Variants in LRRC61 observed in about 807,000 individuals in gnomAD.
The protein encoded by LRRC61 is leucine rich repeat containing 61.
A neutral mutation model predicts 15.1 loss-of-function variants in LRRC61; 9 were observed. The observed-to-expected ratio is 0.60, with a 90% confidence interval of 0.36 to 1.04. The LOEUF is 1.04. Among genes scored for constraint, LRRC61 ranks in the 50% least tolerant of loss-of-function variants. The pLI is 0.01. For missense variants in LRRC61, 344 were observed against 335.6 expected (o/e 1.03, Z -0.20); for synonymous variants, 173 against 158.6 (o/e 1.09, Z -0.68).
chr7:150,329,790 G>A (rs1798047393), intron 2 of LRRC61: 1 of 153,068 alleles, frequency 6.5e-6, no homozygotes, highest in Non-Finnish European at 1.5e-5. Context: ...AAAGCATGTA[G>A]GCTCCTGAGT....
rs1302601635 is a variant in LRRC61, at chr7:150,333,109, G to C, written c.-144-3609G>C. On this transcript the variant is annotated intron_variant, in intron 2 of 2. Transcript: ENST00000359623. The surrounding 1 kb of genome is among the most constrained non-coding windows in gnomAD (Gnocchi z 4.3). ...TCTGCTGTGTGGCATCACCGAGCGGGCTCATGTTCTGGGAGAGGACTGGGA... is the reference window on the plus strand; with the variant it reads ...TCTGCTGTGTGGCATCACCGAGCGGCCTCATGTTCTGGGAGAGGACTGGGA... Among the ~76,000 whole-genome samples the C allele has an allele frequency of 6.6e-6, 1 of 152,218 alleles. No individual in the cohort carries two copies. The highest frequency in any genetic ancestry group is 1.5e-5 in the Non-Finnish European group (1 of 68,040).
chr7:150,331,096 C>A lies in LRRC61; in HGVS notation c.-145+5086C>A, dbSNP rs781663253. 3 of 1,610,608 alleles carry A rather than the reference C, an allele frequency of 1.9e-6. No homozygotes were observed. Among genetic ancestry groups the A allele is most frequent in the South Asian group, 1.1e-5 (1 of 90,984 alleles). ...TGGCCACCATCTATCTGTCTTACCCCCCACAGGAGCCTTCTCTGAAAGCAT... is the reference window on the plus strand; with the variant it reads ...TGGCCACCATCTATCTGTCTTACCCACCACAGGAGCCTTCTCTGAAAGCAT... On this transcript the variant is annotated intron_variant, in intron 2 of 2. Coordinates refer to ENST00000359623, the MANE Select transcript of LRRC61 (RefSeq NM_001142928.2).
rs1339662499 is a variant in LRRC61 at position 150,335,889 on chromosome 7, G to T, written c.-144-829G>T. Reference sequence around the variant, plus strand: ...GATGTGCCCCTCCCGGCTTTCTGGAGCCACCCTTCCCTCCCTCCAAGACAG... The same window carrying T: ...GATGTGCCCCTCCCGGCTTTCTGGATCCACCCTTCCCTCCCTCCAAGACAG... On this transcript the variant is annotated intron_variant, in intron 2 of 2. Transcript: ENST00000359623. The surrounding 1 kb of genome is among the most constrained non-coding windows in gnomAD (Gnocchi z 4.3). Among the ~76,000 whole-genome samples, 1 of 152,206 alleles carries T rather than the reference G, an allele frequency of 6.6e-6. No individual in the cohort carries two copies. Among genetic ancestry groups the T allele is most frequent in the Non-Finnish European group, 1.5e-5 (1 of 68,036 alleles).
intron 2 of LRRC61, among the ~76,000 whole-genome samples, chr7:150,328,458 A>C (rs78965288): frequency 6.6e-6 from 1 of 152,218 alleles, no homozygotes; most frequent in African/African-American, 2.4e-5. Context: ...GCAGTCACCA[A>C]CTGCTACAAA....
chr7:150,321,831 G>A (rs1388417640), upstream of LRRC61, among the ~76,000 whole-genome samples: 1 of 152,218 alleles, frequency 6.6e-6, no homozygotes, highest in Non-Finnish European at 1.5e-5. Context: ...AGCCCAAGCT[G>A]GAGAACTAGA....
Position 150,323,452 on chromosome 7 carries a change from G to A in LRRC61, c.-423G>A, listed in dbSNP as rs1797784414. The A allele has an allele frequency of 8.4e-6, 3 of 357,524 alleles. No individual in the cohort carries two copies. Among genetic ancestry groups the A allele is most frequent in the South Asian group, 2.0e-5 (1 of 50,666 alleles). 22.1% of individuals were successfully genotyped at this position (357,524 alleles called of 1,614,324 possible). A position where few individuals can be genotyped will look rare whatever the true frequency, so the allele number is the denominator to read the frequency against. ...CAGGGGCCGCCAGGCGGCGGGCGGC[G>A]GGGCTGCGGCTCTTACCTGCCGAGG... On this transcript the variant is annotated 5_prime_UTR_variant, in exon 1 of 3. Transcript: ENST00000359623.
At position 150,330,758 on chromosome 7, in the gene LRRC61, C is replaced by T. The variant is rs1798081625; in HGVS notation, c.-145+4748C>T. On this transcript the variant is annotated intron_variant, in intron 2 of 2. Coordinates refer to ENST00000359623, the MANE Select transcript of LRRC61 (RefSeq NM_001142928.2). This position sits in a 1 kb window ranked among gnomAD's most constrained non-coding sequence, Gnocchi z 4.6. ...TTAGAGTGTCTGAATACTCTTTGAA[C>T]TCCCCAAGTCCCCTGCAAAGCCCCA... The T allele has an allele frequency of 3.7e-6, 6 of 1,613,448 alleles. No homozygotes were observed. The South Asian group carries it at 5.5e-5, about 15-fold the overall frequency.
chr7:150,315,290 C>G, the LRRC61 span, among the ~76,000 whole-genome samples: 1 of 152,032 alleles, frequency 6.6e-6, no homozygotes, highest in Non-Finnish European at 1.5e-5. Flanking sequence ...TGATAAACTT[C>G]TGTCCTGCTA....
chr7:150,336,362 G>A (rs947074436), intron 2 of LRRC61, among the ~76,000 whole-genome samples: 8 of 152,146 alleles, frequency 5.3e-5, no homozygotes, highest in African/African-American at 1.7e-4. Flanking sequence ...CAAAAATAAC[G>A]GTTTAAAAAA....
chr7:150,317,318 G>A, the LRRC61 span, among the ~76,000 whole-genome samples: 1 of 152,170 alleles, frequency 6.6e-6, no homozygotes, highest in African/African-American at 2.4e-5. Context: ...CTCCCAAAGT[G>A]CTGGGATTAC....
chr7:150,320,993 T>A (rs938973437), upstream of LRRC61, among the ~76,000 whole-genome samples: 10 of 152,188 alleles, frequency 6.6e-5, no homozygotes, highest in African/African-American at 2.4e-4. Context: ...TGAGTCAGGC[T>A]CCTCTCAGTC....
the LRRC61 span, among the ~76,000 whole-genome samples, chr7:150,313,238 G>A: frequency 6.6e-6 from 1 of 152,104 alleles, no homozygotes; most frequent in Non-Finnish European, 1.5e-5. Flanking sequence ...TAGCCTTACT[G>A]CTCACACAAA....
chr7:150,337,669 GC>G lies in LRRC61; in HGVS notation c.*29del. ...GTGGCCTATGGCCCAGGACAGCCTG[GC>G]AGGTGGCCTCGCTGCCCCCAGTTCC... is the stretch of plus-strand genomic sequence containing the variant. On this transcript the variant is annotated 3_prime_UTR_variant, in exon 3 of 3. Transcript: ENST00000359623. 1 of 1,516,058 alleles carries G rather than the reference GC, an allele frequency of 6.6e-7. No individual in the cohort carries two copies. The highest frequency in any genetic ancestry group is 2.3e-5 in the East Asian group (1 of 43,948). 93.9% of individuals were successfully genotyped at this position (1,516,058 alleles called of 1,614,324 possible). A position where few individuals can be genotyped will look rare whatever the true frequency, so the allele number is the denominator to read the frequency against.
At position 150,330,506 on chromosome 7, in the gene LRRC61, T is replaced by G; in HGVS notation, c.-145+4496T>G. ...TCCTGGAGCAGGTTCACACACACTT[T>G]CAGGAGCAGAGTGTCGGGGAGAGGG... On this transcript the variant is annotated intron_variant, in intron 2 of 2. Transcript: ENST00000359623. This position sits in a 1 kb window ranked among gnomAD's most constrained non-coding sequence, Gnocchi z 4.6. 1 of 780,178 alleles carries G rather than the reference T, an allele frequency of 1.3e-6. No individual in the cohort carries two copies. The highest frequency in any genetic ancestry group is 2.4e-5 in the East Asian group (1 of 41,238). 48.3% of individuals were successfully genotyped at this position (780,178 alleles called of 1,614,324 possible). A position where few individuals can be genotyped will look rare whatever the true frequency, so the allele number is the denominator to read the frequency against.
Position 150,323,486 on chromosome 7 carries a change from G to A in LRRC61, c.-389G>A. The A allele has an allele frequency of 2.4e-6, 1 of 418,492 alleles. No homozygotes were observed. Among genetic ancestry groups the A allele is most frequent in the South Asian group, 1.6e-5 (1 of 60,850 alleles). 25.9% of individuals were successfully genotyped at this position (418,492 alleles called of 1,614,324 possible). ...GCTCTTACCTGCCGAGGAGGCGCCGGCTCTGCGGTGCGGAGTTGCGCCGGA... is the reference window on the plus strand; with the variant it reads ...GCTCTTACCTGCCGAGGAGGCGCCGACTCTGCGGTGCGGAGTTGCGCCGGA... On this transcript the variant is annotated 5_prime_UTR_variant, in exon 1 of 3. Coordinates refer to ENST00000359623, the MANE Select transcript of LRRC61 (RefSeq NM_001142928.2).
chr7:150,338,112 C>T lies in LRRC61; in HGVS notation c.*471C>T, dbSNP rs560944537. ...CCCTCCCCGCAGCACCTTCTCTGCC[C>T]GTTCTTGTCCACACATCTATTAAAT... On this transcript the variant is annotated 3_prime_UTR_variant, in exon 3 of 3. Coordinates refer to ENST00000359623, the MANE Select transcript of LRRC61 (RefSeq NM_001142928.2). The T allele has an allele frequency of 7.2e-5, 43 of 596,952 alleles. 1 individual carries two copies. The highest frequency in any genetic ancestry group is 4.1e-4 in the South Asian group (22 of 53,270). The allele number at this position is 596,952 out of a possible 1,614,324, so 37.0% of individuals were successfully genotyped here. A position where few individuals can be genotyped will look rare whatever the true frequency, so the allele number is the denominator to read the frequency against.
In LRRC61 at chr7:150,335,101, C is replaced by G. The variant is rs982866549; in HGVS notation, c.-144-1617C>G. On this transcript the variant is annotated intron_variant, in intron 2 of 2. Transcript: ENST00000359623. The surrounding 1 kb of genome is among the most constrained non-coding windows in gnomAD (Gnocchi z 4.3). ...CACCCAGCAAGATTCCCCAGTCGTC[C>G]TAGGCTCTTTTTCCTCCTCCCCATT... Among the ~76,000 whole-genome samples the G allele has an allele frequency of 2.0e-5, 3 of 151,986 alleles. No homozygotes were observed.
intron 2 of LRRC61, among the ~76,000 whole-genome samples, chr7:150,327,601 T>C (rs1277292292): frequency 1.3e-5 from 2 of 152,162 alleles, no homozygotes; most frequent in African/African-American, 4.8e-5. Flanking sequence ...GGAAGATTGC[T>C]TGAGCCCAGG....
At position 150,333,969 on chromosome 7, in the gene LRRC61, G is replaced by A. The variant is rs570322058; in HGVS notation, c.-144-2749G>A. The A allele has an allele frequency of 1.0e-6, 1 of 985,304 alleles. No homozygotes were observed. The highest frequency in any genetic ancestry group is 6.1e-5 in the Admixed American group (1 of 16,274). The allele number at this position is 985,304 out of a possible 1,614,324, so 61.0% of individuals were successfully genotyped here. On this transcript the variant is annotated intron_variant, in intron 2 of 2. Transcript: ENST00000359623. This position sits in a 1 kb window ranked among gnomAD's most constrained non-coding sequence, Gnocchi z 4.3. ...TCACCAAGACCCAGGCCTGCATCTG[G>A]TGAGGGCAGGACGGGGCCACACTGG...
Sources: allele counts gnomAD v4.1 joint callset (sites outside exome capture counted in the v4.1 genomes callset), GRCh38; gene constraint gnomAD v4.1.1; non-coding constraint Gnocchi (gnomAD v3.1); transcripts MANE v1.5; gene names NCBI Gene and HGNC (gene_info 2026-07-23, HGNC 2026-07-21).